Variants in KAZN observed in about 807,000 individuals in gnomAD.
KAZN encodes the protein kazrin, periplakin interacting protein.
A neutral mutation model predicts 87.4 loss-of-function variants in KAZN; 40 were observed. That is an observed-to-expected ratio of 0.46 (90% confidence interval 0.36 to 0.60). The LOEUF (loss-of-function observed/expected upper bound fraction) is 0.60. Among genes scored for constraint, KAZN ranks in the 20% least tolerant of loss-of-function variants. The probability of loss-of-function intolerance (pLI) is 0.00; values close to 1 mark genes in which losing one functional copy is unlikely to be tolerated. For synonymous variants in KAZN, 466 were observed against 458.3 expected (o/e 1.02, Z -0.22); for missense variants, 898 against 1,073.9 (o/e 0.84, Z 2.29).
chr1:14,246,831 G>A (rs897152902), intron 2 of KAZN, among the ~76,000 whole-genome samples: 1 of 152,160 alleles, frequency 6.6e-6, no homozygotes, highest in Non-Finnish European at 1.5e-5. Context: ...ATGTGTGTGA[G>A]CTTCCTTCAG....
At chr1:14,716,484 G>A (rs1157161247) in intron 1 of KAZN, among the ~76,000 whole-genome samples, 1 of 151,830 alleles carries the variant, frequency 6.6e-6, no homozygotes, top group African/African-American at 2.4e-5. Context: ...TCCCACTGCC[G>A]CCCAGAAATC....
intron 1 of KAZN, among the ~76,000 whole-genome samples, chr1:13,946,843 G>A (rs1240977069): frequency 6.6e-6 from 1 of 152,108 alleles, no homozygotes; most frequent in African/African-American, 2.4e-5. Flanking sequence ...GTATTTTCAT[G>A]TGTGTGGCTG....
At chr1:14,172,562 C>T (rs1284462040) in intron 1 of KAZN, among the ~76,000 whole-genome samples, 1 of 152,192 alleles carries the variant, frequency 6.6e-6, no homozygotes, top group Non-Finnish European at 1.5e-5. Flanking sequence ...TATCTGTTAT[C>T]TATTGCTGTG....
At chr1:14,947,538 C>T (rs901840840) in intron 1 of KAZN, among the ~76,000 whole-genome samples, 1 of 152,208 alleles carries the variant, frequency 6.6e-6, no homozygotes, top group African/African-American at 2.4e-5. Context: ...ACTATTTGTC[C>T]TGACATTTAG....
At chr1:15,008,249 A>G (rs974889487) in intron 2 of KAZN, among the ~76,000 whole-genome samples, 6 of 152,172 alleles carry the variant, frequency 3.9e-5, no homozygotes, top group African/African-American at 1.4e-4. Context: ...TCTGAAGCCC[A>G]GGCTGCCAGA....
Position 14,763,459 on chromosome 1 carries a change from T to G in KAZN, c.226+164236T>G, listed in dbSNP as rs10927539. ...ACCTAAATCAATACCCCCAATAACA[T>G]TTGTACCCAGCTACACCATAGGAGA... On this transcript the variant is annotated intron_variant, in intron 1 of 14. Transcript: ENST00000376030. Among the ~76,000 whole-genome samples the G allele has an allele frequency of 6.8e-3, 1,037 of 152,266 alleles. 17 individuals carry two copies. The highest frequency in any genetic ancestry group is 0.024 in the African/African-American group (997 of 41,548).
chr1:14,440,469 T>C (rs1334392233), intron 2 of KAZN, among the ~76,000 whole-genome samples: 1 of 152,194 alleles, frequency 6.6e-6, no homozygotes, highest in Non-Finnish European at 1.5e-5. Context: ...CATATGTCTG[T>C]CTTCTGCATT....
intron 1 of KAZN, among the ~76,000 whole-genome samples, chr1:14,074,988 G>A (rs1047956135): frequency 6.6e-6 from 1 of 152,142 alleles, no homozygotes; most frequent in Non-Finnish European, 1.5e-5. Context: ...GAAGTTAGGA[G>A]AGGAAATACT....
intron 2 of KAZN, among the ~76,000 whole-genome samples, chr1:14,219,742 A>C (rs961110877): frequency 6.6e-6 from 1 of 152,198 alleles, no homozygotes; most frequent in Non-Finnish European, 1.5e-5. Flanking sequence ...ATTAGCAAAA[A>C]CTTACCAGGG....
At chr1:14,450,533 T>C (rs1192112303) in intron 2 of KAZN, among the ~76,000 whole-genome samples, 1 of 152,060 alleles carries the variant, frequency 6.6e-6, no homozygotes, top group Non-Finnish European at 1.5e-5. Context: ...GAGGTTGCAG[T>C]GAGTGGAGAT....
rs576698236 is a variant in KAZN, at chr1:14,970,971, A to C, written c.418+10096A>C. Among the ~76,000 whole-genome samples the C allele has an allele frequency of 2.9e-4, 44 of 152,332 alleles. No individual in the cohort carries two copies. The South Asian group carries it at 9.1e-3, about 32-fold the overall frequency. ...TAATCATTTCGGCTAGCATGTATTT[A>C]GCACTTGGAATTTGCCAGGCACTCT... On this transcript the variant is annotated intron_variant, in intron 2 of 14. Transcript: ENST00000376030.
At chr1:14,942,907 G>C (rs1187095733) in intron 1 of KAZN, among the ~76,000 whole-genome samples, 1 of 151,966 alleles carries the variant, frequency 6.6e-6, no homozygotes, top group Non-Finnish European at 1.5e-5. Flanking sequence ...GCCTGGAGCT[G>C]GTCACCACTG....
At chr1:14,677,055 C>T (rs1234645913) in intron 1 of KAZN, among the ~76,000 whole-genome samples, 4 of 152,168 alleles carry the variant, frequency 2.6e-5, no homozygotes, top group Non-Finnish European at 5.9e-5. Flanking sequence ...ACAGCATCCT[C>T]TTCATATTCT....
At chr1:15,089,324 C>A (rs1640420021) in intron 8 of KAZN, among the ~76,000 whole-genome samples, 4 of 150,008 alleles carry the variant, frequency 2.7e-5, no homozygotes, top group African/African-American at 9.8e-5. Flanking sequence ...ACGGACAGAT[C>A]CACCCTCACC....
intron 2 of KAZN, among the ~76,000 whole-genome samples, chr1:15,011,993 C>T (rs1234830507): frequency 6.6e-6 from 1 of 152,094 alleles, no homozygotes; most frequent in African/African-American, 2.4e-5. Flanking sequence ...TTCTGTACAC[C>T]CCCCAGCCTC....
chr1:14,721,541 G>A (rs901846583), intron 1 of KAZN, among the ~76,000 whole-genome samples: 1 of 152,200 alleles, frequency 6.6e-6, no homozygotes, highest in Non-Finnish European at 1.5e-5. Flanking sequence ...AACCTTGAAG[G>A]CAGCCTTGTT....
intron 1 of KAZN, among the ~76,000 whole-genome samples, chr1:13,906,197 G>T (rs908081360): frequency 6.6e-6 from 1 of 152,106 alleles, no homozygotes; most frequent in African/African-American, 2.4e-5. Flanking sequence ...TTTGCAGGGG[G>T]CATTTTCAGC....
At chr1:14,303,124 CAAAG>C (rs1654675490) in intron 2 of KAZN, among the ~76,000 whole-genome samples, 1 of 152,128 alleles carries the variant, frequency 6.6e-6, no homozygotes, top group African/African-American at 2.4e-5. Context: ...AATGATTAAA[CAAAG>C]AAGCCAAGAG....
chr1:14,136,285 C>T (rs1359962232), intron 1 of KAZN, among the ~76,000 whole-genome samples: 1 of 152,152 alleles, frequency 6.6e-6, no homozygotes, highest in Non-Finnish European at 1.5e-5. Flanking sequence ...CTCCATCTCC[C>T]TGTGACCTTG....
Sources: gnomAD v4.1 joint callset for allele counts (sites outside exome capture counted in the v4.1 genomes callset) on GRCh38, gnomAD v4.1.1 for gene constraint, MANE v1.5 for transcripts, NCBI Gene and HGNC (gene_info 2026-07-23, HGNC 2026-07-21) for gene names.